The following ILKAP variants were observed in gnomAD, a reference collection of about 807,000 sequenced individuals.
ILKAP encodes ILK associated serine/threonine phosphatase, also known as integrin-linked kinase-associated serine/threonine phosphatase 2C.
ILKAP carries 11 observed loss-of-function variants against 49.1 expected under a neutral mutation model. The observed-to-expected ratio is 0.22, with a 90% confidence interval of 0.14 to 0.37. The LOEUF (loss-of-function observed/expected upper bound fraction) is 0.37. ILKAP is among the 10% of genes least tolerant of loss of function. ILKAP has a pLI of 1.00. For synonymous variants in ILKAP, 186 were observed against 192.8 expected, an observed-to-expected ratio of 0.96 and a Z score of 0.29; for missense variants, 363 against 510.8, an observed-to-expected ratio of 0.71 and a Z score of 2.79.
intron 9 of ILKAP, 146 bp downstream of exon 9, chr2:238,181,919 C>T: frequency 1.2e-6 from 1 of 812,834 alleles, no homozygotes. Context: ...CTGTCATCCA[C>T]CTATGTCACC....
At chr2:238,184,312 C>T (rs963249299) in intron 6 of ILKAP, among the ~76,000 whole-genome samples, 199 bp from the exon 7 acceptor site, 4 of 152,192 alleles carry the variant, frequency 2.6e-5, no homozygotes, top group Admixed American at 6.5e-5. Context: ...GCCTTAGCCT[C>T]CTGAGTAGCT....
rs773633078 is a variant in ILKAP at position 238,194,833 on chromosome 2, G to A, written c.93C>T (p.Asp31=). ...EAQKGPLLFD[D]LPPASSTDSG... The stretch of plus-strand genomic sequence containing the variant: ...AGTCAGTACTGCTGGCCGGAGGGAG[G>A]TCATCAAAGAGCAGGGGTCCTTTCT... The change falls in exon 2 of 12, where the codon GAC becomes GAT. Residue 31 remains aspartate, a synonymous_variant. Coordinates refer to ENST00000254654, the MANE Select transcript of ILKAP (RefSeq NM_030768.3). 6.2e-7 allele frequency: 1 copy of A among 1,614,024 alleles called. No homozygotes were observed. Among genetic ancestry groups the A allele is most frequent in the Non-Finnish European group, 8.5e-7 (1 of 1,180,002 alleles).
intron 10 of ILKAP, among the ~76,000 whole-genome samples, chr2:238,171,357 C>T (rs1206351034): frequency 6.6e-6 from 1 of 152,014 alleles, no homozygotes; most frequent in East Asian, 1.9e-4. Context: ...GACAGGGTTT[C>T]ACCACGTTGG....
intron 4 of ILKAP, 52 bp from the exon 5 acceptor site, chr2:238,188,309 G>C (rs1425607494): frequency 1.9e-6 from 3 of 1,590,492 alleles, no homozygotes; most frequent in Non-Finnish European, 2.6e-6. Flanking sequence ...CAACCCTCTG[G>C]AAACCCTAGT....
At chr2:238,180,078 G>A (rs140548093) in intron 9 of ILKAP, among the ~76,000 whole-genome samples, 153 of 152,174 alleles carry the variant, frequency 1.0e-3, no homozygotes, top group African/African-American at 3.5e-3. Context: ...GGCTGAGGCT[G>A]GAGGATCGCT....
chr2:238,201,815 T>G (rs562418088), intron 1 of ILKAP, among the ~76,000 whole-genome samples: 1 of 152,292 alleles, frequency 6.6e-6, no homozygotes, highest in South Asian at 2.1e-4. Flanking sequence ...GAAAAAAGAC[T>G]GCTACACAAA....
intron 9 of ILKAP, among the ~76,000 whole-genome samples, chr2:238,176,268 G>A (rs1693453153): frequency 6.6e-6 from 1 of 152,054 alleles, no homozygotes; most frequent in East Asian, 1.9e-4. Flanking sequence ...CGAGTAGCTG[G>A]GATTACAGGT....
intron 3 of ILKAP, among the ~76,000 whole-genome samples, chr2:238,190,290 G>A (rs542767308): frequency 1.0e-3 from 159 of 152,220 alleles, no homozygotes; most frequent in African/African-American, 3.6e-3. Flanking sequence ...TATATCCACA[G>A]GCTCTTAGTG....
intron 1 of ILKAP, among the ~76,000 whole-genome samples, chr2:238,199,972 C>T (rs1694502510): frequency 6.6e-6 from 1 of 152,050 alleles, no homozygotes; most frequent in Non-Finnish European, 1.5e-5. Flanking sequence ...TTATTTCCTC[C>T]TCAACAACTG....
intron 8 of ILKAP, 76 bp from the exon 9 acceptor site, chr2:238,182,262 T>TTC (rs1405056181): frequency 6.5e-7 from 1 of 1,543,742 alleles, no homozygotes; most frequent in African/African-American, 1.4e-5. Context: ...AAAAAAACAG[T>TTC]TAACAATGGA....
intron 1 of ILKAP, among the ~76,000 whole-genome samples, chr2:238,200,955 G>A (rs1325237115): frequency 6.6e-6 from 1 of 152,234 alleles, no homozygotes; most frequent in African/African-American, 2.4e-5. Flanking sequence ...TGTAGGAATA[G>A]CCACAGAAGG....
chr2:238,187,396 G>T lies in ILKAP; in HGVS notation c.425+735C>A, dbSNP rs138360056. On this transcript the variant is annotated intron_variant, in intron 5 of 11. Coordinates refer to ENST00000254654, the MANE Select transcript of ILKAP (RefSeq NM_030768.3). ...CACACTGTATGTTAATGACCAACTG[G>T]TGTCAGTAAAGGTACGTAATGTATT... Among the ~76,000 whole-genome samples, 656 of 152,270 alleles carry T rather than the reference G, an allele frequency of 4.3e-3. 2 individuals are homozygous for T. The highest frequency in any genetic ancestry group is 0.015 in the African/African-American group (604 of 41,552).
rs758430778 is a variant in ILKAP, at chr2:238,170,931, G to T, written c.1038+12C>A. 32 of 1,611,206 alleles carry T rather than the reference G, an allele frequency of 2.0e-5. No homozygotes were observed. Among genetic ancestry groups the T allele is most frequent in the Non-Finnish European group, 2.6e-5 (31 of 1,177,468 alleles). ...ATTGGGACAACCACCACCCCCGTGT[G>T]AGATTTCTCACCTCGAGACAGGACA... is the stretch of plus-strand genomic sequence containing the variant. On this transcript the variant is annotated intron_variant, in intron 11 of 11. Transcript: ENST00000254654.
chr2:238,178,080 C>T lies in ILKAP; in HGVS notation c.836+3985G>A, dbSNP rs372553253. ...AATAACCAAAGTGGCAAAATAACCACAGTAAAAACAGTTATTTCACTTTTG... is the reference window on the plus strand; with the variant it reads ...AATAACCAAAGTGGCAAAATAACCATAGTAAAAACAGTTATTTCACTTTTG... On this transcript the variant is annotated intron_variant, in intron 9 of 11. Coordinates refer to ENST00000254654, the MANE Select transcript of ILKAP (RefSeq NM_030768.3). 5.3e-5 allele frequency among the ~76,000 whole-genome samples: 8 copies of T among 152,312 alleles called. No individual in the cohort carries two copies. In the East Asian group the frequency reaches 5.8e-4, roughly 11 times the overall value.
chr2:238,173,918 T>G (rs1693337032), intron 9 of ILKAP: 2 of 453,042 alleles, frequency 4.4e-6, no homozygotes, highest in Non-Finnish European at 8.0e-6. Context: ...CTGCCCAGCT[T>G]AACCTTCGAC....
At chr2:238,184,210 A>T in intron 6 of ILKAP, 97 bp from the exon 7 acceptor site, 2 of 768,850 alleles carry the variant, frequency 2.6e-6, no homozygotes, top group Non-Finnish European at 4.5e-6. Context: ...TATTTTTTTG[A>T]GACGGAGTCT....
rs949650508 is a variant in ILKAP, at chr2:238,170,933, G to A, written c.1038+10C>T. On this transcript the variant is annotated intron_variant, in intron 11 of 11. Transcript: ENST00000254654. ...TGGGACAACCACCACCCCCGTGTGA[G>A]ATTTCTCACCTCGAGACAGGACAAG... The A allele has an allele frequency of 6.2e-7, 1 of 1,612,238 alleles. No homozygotes were observed. The highest frequency in any genetic ancestry group is 8.5e-7 in the Non-Finnish European group (1 of 1,178,308).
At chr2:238,194,968 T>C in intron 1 of ILKAP, 98 bp from the exon 2 acceptor site, 1 of 922,760 alleles carries the variant, frequency 1.1e-6, no homozygotes, top group South Asian at 1.5e-5. Flanking sequence ...TTGACACAAG[T>C]TTGCTATTAG....
intron 2 of ILKAP, chr2:238,194,600 A>G (rs1694270290): frequency 1.6e-6 from 1 of 614,504 alleles, no homozygotes; most frequent in Non-Finnish European, 2.9e-6. Context: ...AAACTGCTCC[A>G]CATTTCCTCG....
Sources: gnomAD v4.1 joint callset for allele counts (sites outside exome capture counted in the v4.1 genomes callset) on GRCh38, gnomAD v4.1.1 for gene constraint, MANE v1.5 for transcripts, NCBI Gene and HGNC (gene_info 2026-07-23, HGNC 2026-07-21) for gene names.